Variants in GALNT14 observed in about 807,000 individuals in gnomAD.
GALNT14 encodes UDP-GalNAc:polypeptide N-acetylgalactosaminyltransferase 14.
GALNT14 carries 60 observed loss-of-function variants against 77.5 expected under a neutral mutation model. The observed-to-expected ratio is 0.77, with a 90% CI of 0.63 to 0.96. The LOEUF (loss-of-function observed/expected upper bound fraction) is 0.96. Ranked by LOEUF, GALNT14 falls within the 40% of genes least tolerant of loss-of-function variation. The pLI is 0.00. For missense variants in GALNT14, 710 were observed against 731.0 expected (o/e 0.97, Z 0.33); for synonymous variants, 280 against 281.7 (o/e 0.99, Z 0.06).
intron 6 of GALNT14, among the ~76,000 whole-genome samples, chr2:30,952,776 G>C: frequency 7.0e-6 from 1 of 143,722 alleles, no homozygotes; most frequent in Admixed American, 6.9e-5. Flanking sequence ...AAAAAAAAAA[G>C]AATTTTGGTT....
At chr2:31,032,515 T>C (rs1672480625) in intron 1 of GALNT14, among the ~76,000 whole-genome samples, 1 of 152,208 alleles carries the variant, frequency 6.6e-6, no homozygotes. Flanking sequence ...GTTGCTGTTT[T>C]ACTTTACTGG....
intron 1 of GALNT14, among the ~76,000 whole-genome samples, chr2:31,127,105 C>G (rs563371424): frequency 3.4e-4 from 52 of 152,308 alleles, no homozygotes; most frequent in Non-Finnish European, 5.9e-4. Context: ...CAAGGAATTT[C>G]ACAAGGTGAA....
chr2:31,040,428 A>G (rs1422754007), intron 1 of GALNT14, among the ~76,000 whole-genome samples: 1 of 152,172 alleles, frequency 6.6e-6, no homozygotes, highest in African/African-American at 2.4e-5. Flanking sequence ...AGGAGGGAGT[A>G]GGTCTTGAGA....
chr2:30,946,500 A>G (rs1328191919), intron 6 of GALNT14, among the ~76,000 whole-genome samples: 3 of 152,272 alleles, frequency 2.0e-5, no homozygotes, highest in African/African-American at 7.2e-5. Flanking sequence ...CCATGTGACC[A>G]GCCTGCTCCC....
chr2:30,923,877 A>G (rs553734432), intron 13 of GALNT14, among the ~76,000 whole-genome samples: 9 of 152,258 alleles, frequency 5.9e-5, no homozygotes, highest in South Asian at 2.1e-4. Flanking sequence ...TTAATGGGCA[A>G]TTTCCTATAG....
intron 1 of GALNT14, among the ~76,000 whole-genome samples, chr2:31,131,072 C>T (rs1219067369): frequency 6.6e-6 from 1 of 152,184 alleles, no homozygotes. Context: ...GAGTGAGCTG[C>T]TCCCATTTCA....
chr2:31,124,647 G>T (rs943141351), intron 1 of GALNT14, among the ~76,000 whole-genome samples: 1 of 152,120 alleles, frequency 6.6e-6, no homozygotes. Context: ...TTGAAACAGG[G>T]TCTCCCTCTA....
At chr2:31,015,603 G>C (rs1671303650) in intron 1 of GALNT14, among the ~76,000 whole-genome samples, 1 of 152,146 alleles carries the variant, frequency 6.6e-6, no homozygotes, top group South Asian at 2.1e-4. Flanking sequence ...TACCACCCTA[G>C]CCAAGCAATC....
At chr2:30,943,312 T>C (rs972281669) in intron 8 of GALNT14, among the ~76,000 whole-genome samples, 4 of 152,150 alleles carry the variant, frequency 2.6e-5, no homozygotes, top group Admixed American at 6.5e-5. Context: ...GGGGAGCAGA[T>C]TCCAAGCTAA....
intron 1 of GALNT14, among the ~76,000 whole-genome samples, chr2:31,057,088 T>C (rs1441240065): frequency 6.6e-6 from 1 of 151,840 alleles, no homozygotes; most frequent in Non-Finnish European, 1.5e-5. Context: ...TGGGTACTCA[T>C]GGATACAAAG....
chr2:30,983,322 G>T (rs1669100984), intron 2 of GALNT14, among the ~76,000 whole-genome samples: 1 of 151,962 alleles, frequency 6.6e-6, no homozygotes, highest in African/African-American at 2.4e-5. Context: ...TTTTTTTGTT[G>T]TTGTTGTTGT....
At chr2:31,114,766 C>T (rs1341182341) in intron 1 of GALNT14, 1 of 717,434 alleles carries the variant, frequency 1.4e-6, no homozygotes, top group East Asian at 2.7e-5. Context: ...AGACCTGAGT[C>T]TGCAAATGGA....
At chr2:31,020,729 C>T (rs922426805) in intron 1 of GALNT14, among the ~76,000 whole-genome samples, 1 of 152,178 alleles carries the variant, frequency 6.6e-6, no homozygotes, top group Non-Finnish European at 1.5e-5. Flanking sequence ...TTGGCTCCCA[C>T]ATATCATACG....
intron 1 of GALNT14, among the ~76,000 whole-genome samples, chr2:31,072,153 T>C (rs1217877227): frequency 1.3e-5 from 2 of 152,232 alleles, no homozygotes; most frequent in Admixed American, 6.5e-5. Flanking sequence ...ATCTTCCCTC[T>C]GCTGTGGGGT....
At chr2:31,070,776 C>G (rs191176190) in intron 1 of GALNT14, among the ~76,000 whole-genome samples, 1 of 152,190 alleles carries the variant, frequency 6.6e-6, no homozygotes, top group Non-Finnish European at 1.5e-5. Context: ...TGTCCAATTG[C>G]AAACTGGAAA....
chr2:30,973,927 G>A (rs983988081), intron 2 of GALNT14, among the ~76,000 whole-genome samples: 1 of 152,156 alleles, frequency 6.6e-6, no homozygotes, highest in Non-Finnish European at 1.5e-5. Flanking sequence ...TAATTCCAGT[G>A]GTCTAGAAAG....
chr2:31,136,181 C>T lies in GALNT14; in HGVS notation c.129+1777G>A, dbSNP rs146703000. On this transcript the variant is annotated intron_variant, in intron 1 of 14. Transcript: ENST00000349752. ...TGGTTTGAAGTCATCAATCTGGCCT[C>T]GCCACCTCACTGCCTGACCCTCTCC... 4.5e-4 allele frequency among the ~76,000 whole-genome samples: 67 copies of T among 149,892 alleles called. No individual in the cohort carries two copies. The East Asian group carries it at 9.7e-3, about 22-fold the overall frequency.
intron 6 of GALNT14, among the ~76,000 whole-genome samples, chr2:30,954,639 T>C (rs1263106870): frequency 1.3e-5 from 2 of 152,262 alleles, no homozygotes; most frequent in African/African-American, 4.8e-5. Flanking sequence ...CCTTGTTTTC[T>C]TCTGAGCAGA....
chr2:30,935,044 T>C lies in GALNT14; in HGVS notation c.932-2850A>G, dbSNP rs552548820. Among the ~76,000 whole-genome samples, 6 of 152,340 alleles carry C rather than the reference T, an allele frequency of 3.9e-5. No homozygotes were observed. In the South Asian group the frequency reaches 1.2e-3, roughly 32 times the overall value. On this transcript the variant is annotated intron_variant, in intron 9 of 14. Coordinates refer to ENST00000349752, the MANE Select transcript of GALNT14 (RefSeq NM_024572.4). ...GTTGCCTTAGTACAAAAATTGAGTA[T>C]TGCAATTCTGCAAGCATTAGCCATG...
Sources: gnomAD v4.1 joint callset for allele counts (sites outside exome capture counted in the v4.1 genomes callset) on GRCh38, gnomAD v4.1.1 for gene constraint, MANE v1.5 for transcripts, NCBI Gene and HGNC (gene_info 2026-07-23, HGNC 2026-07-21) for gene names.